PTPRT: variants seen among roughly 807,000 people sequenced by gnomAD.
PTPRT encodes the protein protein tyrosine phosphatase receptor type T.
A neutral mutation model predicts 176.8 loss-of-function variants in PTPRT; 56 were observed. The ratio of observed to expected loss-of-function variants is 0.32; its 90% CI spans 0.26 to 0.40. The LOEUF is 0.40. Ranked by LOEUF, PTPRT falls within the 10% of genes least tolerant of loss-of-function variation. The pLI is 1.00. For missense variants in PTPRT, 1,540 were observed against 1,908.2 expected, an observed-to-expected ratio of 0.81 and a Z score of 3.60; for synonymous variants, 783 against 739.0, an observed-to-expected ratio of 1.06 and a Z score of -0.96.
chr20:42,529,266 A>G (rs2072333835), intron 7 of PTPRT, among the ~76,000 whole-genome samples: 1 of 152,170 alleles, frequency 6.6e-6, no homozygotes, highest in Non-Finnish European at 1.5e-5. Context: ...TGGTAAAGGT[A>G]ATAAAAGGTA....
chr20:42,298,923 A>AAAAAC lies in PTPRT; in HGVS notation c.2140-16403_2140-16399dup, dbSNP rs775264813. On this transcript the variant is annotated intron_variant, in intron 12 of 30. Transcript: ENST00000373187. ...GTGACACAGCAAGACTCTGTCTCAA[A>AAAAAC]AAAACAAAACAAAACAAAACAAAGA... is the stretch of plus-strand genomic sequence containing the variant. Among the ~76,000 whole-genome samples the AAAAAC allele has an allele frequency of 3.6e-4, 55 of 152,292 alleles. 1 individual carries two copies. Among genetic ancestry groups the AAAAAC allele is most frequent in the South Asian group, 1.7e-3 (8 of 4,822 alleles).
At chr20:42,544,403 C>T (rs944566288) in intron 7 of PTPRT, among the ~76,000 whole-genome samples, 4 of 152,194 alleles carry the variant, frequency 2.6e-5, no homozygotes. Context: ...ACTTCCTCAC[C>T]TCTCTCAGCC....
intron 1 of PTPRT, among the ~76,000 whole-genome samples, chr20:42,904,512 A>G (rs1290348053): frequency 6.6e-6 from 1 of 152,192 alleles, no homozygotes; most frequent in Non-Finnish European, 1.5e-5. Flanking sequence ...TACCAAGGCA[A>G]TGCCCATAAC....
chr20:42,368,939 T>A (rs930171249), intron 9 of PTPRT, among the ~76,000 whole-genome samples: 1 of 152,166 alleles, frequency 6.6e-6, no homozygotes. Flanking sequence ...CTAGCCTGTG[T>A]GTGAGGGGTG....
intron 8 of PTPRT, among the ~76,000 whole-genome samples, chr20:42,451,460 G>C (rs980547006): frequency 6.6e-6 from 1 of 152,072 alleles, no homozygotes; most frequent in Non-Finnish European, 1.5e-5. Flanking sequence ...GCCAATGTTT[G>C]GAAATGGAAA....
At chr20:42,306,058 G>C (rs1389925057) in intron 12 of PTPRT, among the ~76,000 whole-genome samples, 1 of 152,184 alleles carries the variant, frequency 6.6e-6, no homozygotes. Flanking sequence ...CAACATTTGG[G>C]TAACCTTCAT....
At chr20:42,871,003 T>C (rs1308834033) in intron 2 of PTPRT, among the ~76,000 whole-genome samples, 1 of 151,438 alleles carries the variant, frequency 6.6e-6, no homozygotes, top group Admixed American at 6.6e-5. Context: ...CAGGCTAGAG[T>C]GCAGTGGCAC....
At chr20:42,103,350 T>G (rs1986133249) in intron 25 of PTPRT, among the ~76,000 whole-genome samples, 1 of 152,264 alleles carries the variant, frequency 6.6e-6, no homozygotes, top group Non-Finnish European at 1.5e-5. Flanking sequence ...CTTGTTAACT[T>G]GCAGGCTCTC....
chr20:42,665,149 A>G (rs544576593), intron 7 of PTPRT, among the ~76,000 whole-genome samples: 4 of 152,156 alleles, frequency 2.6e-5, no homozygotes, highest in South Asian at 2.1e-4. Flanking sequence ...AACTACCATC[A>G]GAGTGAACAG....
In PTPRT at chr20:42,530,879, T is replaced by C. The variant is rs371886675; in HGVS notation, c.1154-58317A>G. Among the ~76,000 whole-genome samples the C allele has an allele frequency of 3.1e-3, 475 of 152,322 alleles. 21 individuals are homozygous for C. In the South Asian group the frequency reaches 0.094, roughly 30 times the overall value. ...GAACCTGGGATAAATTGGATGTCAG[T>C]GGTTTCCGGAGAAACATGGCCCAGC... On this transcript the variant is annotated intron_variant, in intron 7 of 30. Transcript: ENST00000373187.
At chr20:42,192,124 A>C (rs2146643461) in intron 16 of PTPRT, among the ~76,000 whole-genome samples, 1 of 152,206 alleles carries the variant, frequency 6.6e-6, no homozygotes, top group Non-Finnish European at 1.5e-5. Flanking sequence ...CACCTAGCAA[A>C]ATGACTGACC....
chr20:42,962,097 G>T (rs1269579765), intron 1 of PTPRT, among the ~76,000 whole-genome samples: 4 of 152,210 alleles, frequency 2.6e-5, no homozygotes, highest in Non-Finnish European at 5.9e-5. Flanking sequence ...GTCGGTTTAA[G>T]CCACTAAATT....
At chr20:42,907,185 G>C (rs1187820328) in intron 1 of PTPRT, among the ~76,000 whole-genome samples, 1 of 152,198 alleles carries the variant, frequency 6.6e-6, no homozygotes, top group Non-Finnish European at 1.5e-5. Context: ...ATGATCCACT[G>C]AAAGAACCCG....
At chr20:42,701,391 T>C (rs897607383) in intron 6 of PTPRT, among the ~76,000 whole-genome samples, 3 of 152,184 alleles carry the variant, frequency 2.0e-5, no homozygotes, top group Admixed American at 2.0e-4. Context: ...TACCGTGGGA[T>C]GCTTAAATGA....
chr20:42,367,386 T>C (rs1014112381), intron 9 of PTPRT, among the ~76,000 whole-genome samples: 4 of 152,178 alleles, frequency 2.6e-5, no homozygotes, highest in African/African-American at 9.7e-5. Context: ...GACTCATTCA[T>C]GTGGAGTCAA....
At chr20:42,111,133 C>T (rs1446320981) in intron 22 of PTPRT, among the ~76,000 whole-genome samples, 2 of 152,298 alleles carry the variant, frequency 1.3e-5, no homozygotes, top group Admixed American at 6.5e-5. Context: ...CACCCCTCCA[C>T]CCCTCACAGA....
intron 1 of PTPRT, among the ~76,000 whole-genome samples, chr20:43,141,442 T>C (rs1314443461): frequency 2.0e-5 from 3 of 152,172 alleles, no homozygotes; most frequent in African/African-American, 7.2e-5. Context: ...TCCAGCAGGC[T>C]GATCTGGGCT....
At chr20:43,069,981 A>G (rs2011158768) in intron 1 of PTPRT, among the ~76,000 whole-genome samples, 1 of 152,200 alleles carries the variant, frequency 6.6e-6, no homozygotes, top group South Asian at 2.1e-4. Flanking sequence ...TGATAAATCC[A>G]CCAGCCCCCT....
At chr20:42,721,920 G>C (rs742419) in intron 6 of PTPRT, among the ~76,000 whole-genome samples, 20,915 of 152,182 alleles carry the variant, frequency 0.14, 2,072 homozygotes, top group African/African-American at 0.28. Flanking sequence ...GGTGGCTGCT[G>C]CCACATCCCC....
Sources: allele counts gnomAD v4.1 joint callset (sites outside exome capture counted in the v4.1 genomes callset), GRCh38; gene constraint gnomAD v4.1.1; transcripts MANE v1.5; gene names NCBI Gene and HGNC (gene_info 2026-07-23, HGNC 2026-07-21).